Variants in PLSCR2 observed in about 807,000 individuals in gnomAD.
PLSCR2 encodes the protein PL scramblase 2.
In PLSCR2, 18 loss-of-function variants were observed where a neutral mutation model predicts 25.3. The observed-to-expected ratio is 0.71, with a 90% CI of 0.49 to 1.06. The LOEUF (loss-of-function observed/expected upper bound fraction) is 1.06, where lower values mean the gene tolerates loss of function less well. Among genes scored for constraint, PLSCR2 ranks in the 50% least tolerant of loss-of-function variants. The pLI, the probability that PLSCR2 is intolerant of heterozygous loss-of-function variation, is 0.00. For missense variants in PLSCR2, 243 were observed against 269.5 expected, an observed-to-expected ratio of 0.90 and a Z score of 0.69; for synonymous variants, 88 against 87.3, an observed-to-expected ratio of 1.01 and a Z score of -0.04.
At chr3:146,409,392 C>T (rs549681340) in intron 2 of PLSCR2, among the ~76,000 whole-genome samples, 18 of 152,116 alleles carry the variant, frequency 1.2e-4, no homozygotes, top group Admixed American at 3.3e-4. Context: ...GGGAGCGAGC[C>T]GGCTGAGGGT....
intron 2 of PLSCR2, among the ~76,000 whole-genome samples, chr3:146,421,141 C>T (rs2039135675): frequency 6.6e-6 from 1 of 151,928 alleles, no homozygotes; most frequent in Non-Finnish European, 1.5e-5. Flanking sequence ...ATATATTTTA[C>T]AGAAATGTTT....
upstream of PLSCR2, chr3:146,463,828 T>A: frequency 1.0e-6 from 1 of 970,808 alleles, no homozygotes; most frequent in Non-Finnish European, 1.2e-6. Flanking sequence ...AGAAACCACC[T>A]CCTTACCTGC....
At chr3:146,418,934 C>G (rs1429487623) in intron 2 of PLSCR2, among the ~76,000 whole-genome samples, 3 of 152,146 alleles carry the variant, frequency 2.0e-5, no homozygotes, top group Non-Finnish European at 2.9e-5. Flanking sequence ...AATGTTGCTG[C>G]TTCAGAAGCA....
chr3:146,417,109 C>G (rs1398502761), intron 2 of PLSCR2, among the ~76,000 whole-genome samples: 1 of 152,102 alleles, frequency 6.6e-6, no homozygotes, highest in African/African-American at 2.4e-5. Context: ...CTCTATGGAG[C>G]CAAATTTTCT....
At chr3:146,468,343 A>C (rs921647782) in intron 1 of PLSCR2, among the ~76,000 whole-genome samples, 6 of 152,152 alleles carry the variant, frequency 3.9e-5, no homozygotes, top group Admixed American at 3.9e-4. Context: ...GAGCCCCCAA[A>C]CCGCCTGACA....
At chr3:146,447,097 C>A (rs946633599) in intron 6 of PLSCR2, among the ~76,000 whole-genome samples, 3 of 152,132 alleles carry the variant, frequency 2.0e-5, no homozygotes, top group Non-Finnish European at 4.4e-5. Flanking sequence ...GCAGCGGGCT[C>A]CCCCCTGGCC....
chr3:146,491,017 A>G (rs1378614188), intron 1 of PLSCR2, among the ~76,000 whole-genome samples: 2 of 152,110 alleles, frequency 1.3e-5, no homozygotes, highest in African/African-American at 4.8e-5. Context: ...GCACTCCCTT[A>G]AAGACTTCTT....
chr3:146,428,316 C>T (rs745966420), downstream of PLSCR2, among the ~76,000 whole-genome samples: 4 of 152,014 alleles, frequency 2.6e-5, no homozygotes, highest in Admixed American at 6.6e-5. Flanking sequence ...TGTTTTCTAC[C>T]TCTGCCAGAC....
At chr3:146,450,619 T>C (rs774653804) in intron 5 of PLSCR2, among the ~76,000 whole-genome samples, 13 of 152,236 alleles carry the variant, frequency 8.5e-5, no homozygotes, top group Non-Finnish European at 1.8e-4. Flanking sequence ...AAATAGCTAC[T>C]AGAAAAGCAT....
upstream of PLSCR2, among the ~76,000 whole-genome samples, chr3:146,461,181 T>C (rs958690022): frequency 6.6e-6 from 1 of 152,086 alleles, no homozygotes; most frequent in Non-Finnish European, 1.5e-5. Flanking sequence ...GAATGAAAAA[T>C]AATTTCAAGG....
intron 1 of PLSCR2, among the ~76,000 whole-genome samples, chr3:146,483,428 A>AATACCAGTAGTAACATTATATATAT (rs2043202118): frequency 6.8e-5 from 7 of 103,696 alleles, no homozygotes; most frequent in African/African-American, 2.3e-4. Flanking sequence ...ACTTAAACTT[A>AATACCAGTAGTAACATTATATATAT]ATATATATAT....
chr3:146,462,080 G>A (rs2041611396), upstream of PLSCR2: 1 of 510,586 alleles, frequency 2.0e-6, no homozygotes, highest in Non-Finnish European at 3.4e-6. Context: ...AAAGAGACCT[G>A]ATATTAATAT....
intron 2 of PLSCR2, among the ~76,000 whole-genome samples, chr3:146,427,696 C>T (rs2039405264): frequency 6.6e-6 from 1 of 152,130 alleles, no homozygotes; most frequent in Non-Finnish European, 1.5e-5. Flanking sequence ...AGTCACCACC[C>T]ACAGGAAGAA....
intron 1 of PLSCR2, among the ~76,000 whole-genome samples, chr3:146,473,849 G>A (rs1417578995): frequency 6.6e-6 from 1 of 152,116 alleles, no homozygotes; most frequent in Non-Finnish European, 1.5e-5. Context: ...CCCATGTGAC[G>A]CTCATGATGG....
At chr3:146,412,662 T>C (rs556628494) in intron 2 of PLSCR2, among the ~76,000 whole-genome samples, 16 of 152,290 alleles carry the variant, frequency 1.1e-4, no homozygotes, top group Non-Finnish European at 1.5e-4. Flanking sequence ...TAGAAGGGTG[T>C]GACTCGTGGA....
At chr3:146,423,019 T>C (rs2039201307) in intron 2 of PLSCR2, among the ~76,000 whole-genome samples, 1 of 152,070 alleles carries the variant, frequency 6.6e-6, no homozygotes, top group Non-Finnish European at 1.5e-5. Context: ...ACTATGATAT[T>C]ATAACATTTT....
At chr3:146,458,239 T>G (rs1242643635) in intron 3 of PLSCR2, among the ~76,000 whole-genome samples, 172 bp downstream of exon 3, 1 of 152,236 alleles carries the variant, frequency 6.6e-6, no homozygotes, top group East Asian at 1.9e-4. Context: ...ATTTCACTTC[T>G]GATGTTCAGA....
At chr3:146,451,153 C>A (rs1447954872) in intron 5 of PLSCR2, among the ~76,000 whole-genome samples, 2 of 130,554 alleles carry the variant, frequency 1.5e-5, no homozygotes, top group Non-Finnish European at 3.1e-5. Context: ...TTGCTCTTGT[C>A]CCCCAGGCTG....
chr3:146,457,822 G>A (rs368445402), intron 3 of PLSCR2, among the ~76,000 whole-genome samples: 59 of 152,298 alleles, frequency 3.9e-4, no homozygotes, highest in African/African-American at 1.2e-3. Context: ...GTAAGTCTTG[G>A]CTGTATTCCT....
Sources: allele counts gnomAD v4.1 joint callset (sites outside exome capture counted in the v4.1 genomes callset), GRCh38; gene constraint gnomAD v4.1.1; transcripts MANE v1.5; gene names NCBI Gene and HGNC (gene_info 2026-07-23, HGNC 2026-07-21).